The following ZC3H12B variants were observed in gnomAD, a reference collection of about 807,000 sequenced individuals.
The protein encoded by ZC3H12B is zinc finger CCCH-type containing 12B.
A neutral mutation model predicts 43.9 loss-of-function variants in ZC3H12B; 7 were observed. The ratio of observed to expected loss-of-function variants is 0.16; its 90% CI spans 0.09 to 0.30. The LOEUF (loss-of-function observed/expected upper bound fraction) is 0.30. Among genes scored for constraint, ZC3H12B ranks in the 10% least tolerant of loss-of-function variants. The pLI, the probability that ZC3H12B is intolerant of heterozygous loss-of-function variation, is 1.00. For missense variants in ZC3H12B, 475 were observed against 670.2 expected (o/e 0.71, Z 3.22); for synonymous variants, 222 against 241.7 (o/e 0.92, Z 0.76).
At chrX:65,409,928 C>A (rs1443244083) in intron 3 of ZC3H12B, among the ~76,000 whole-genome samples, 1 of 110,089 alleles carries the variant, frequency 9.1e-6, no homozygotes, top group Non-Finnish European at 1.9e-5. Context: ...TATCAAAATG[C>A]CAACAACATT....
the ZC3H12B span, among the ~76,000 whole-genome samples, chrX:65,257,304 G>A: frequency 3.6e-5 from 4 of 111,603 alleles, no homozygotes; most frequent in African/African-American, 1.3e-4. Flanking sequence ...TCCTTTGCAG[G>A]GACATGGATG....
chrX:65,117,960 T>C, the ZC3H12B span, among the ~76,000 whole-genome samples: 2 of 111,697 alleles, frequency 1.8e-5, no homozygotes, highest in African/African-American at 6.5e-5. Flanking sequence ...TTTTGGTTAC[T>C]GTAGCCTTGT....
the ZC3H12B span, among the ~76,000 whole-genome samples, chrX:65,240,293 G>A: frequency 9.1e-6 from 1 of 110,276 alleles, no homozygotes; most frequent in African/African-American, 3.3e-5. Flanking sequence ...TTCCCTTTTT[G>A]TTTTGTCTGT....
At chrX:65,461,012 A>T (rs2067735680) in intron 3 of ZC3H12B, among the ~76,000 whole-genome samples, 1 of 112,276 alleles carries the variant, frequency 8.9e-6, no homozygotes, top group African/African-American at 3.2e-5. Context: ...CAAATTTACA[A>T]GAAAAAAACA....
chrX:65,274,816 G>A, the ZC3H12B span, among the ~76,000 whole-genome samples: 1 of 111,459 alleles, frequency 9.0e-6, no homozygotes, highest in Non-Finnish European at 1.9e-5. Flanking sequence ...ACCTCTTGCA[G>A]GAAGTCCCCC....
chrX:65,355,806 G>A, the ZC3H12B span, among the ~76,000 whole-genome samples: 3 of 110,600 alleles, frequency 2.7e-5, no homozygotes, highest in Non-Finnish European at 5.7e-5. Context: ...AATACAAAAA[G>A]TAGCCAGATG....
the ZC3H12B span, among the ~76,000 whole-genome samples, chrX:65,142,734 C>T: frequency 1.8e-5 from 2 of 112,433 alleles, no homozygotes; most frequent in Admixed American, 9.4e-5. Context: ...CCAATTATCC[C>T]AGCAACATTT....
At chrX:65,106,180 A>G in the ZC3H12B span, among the ~76,000 whole-genome samples, 4 of 111,610 alleles carry the variant, frequency 3.6e-5, no homozygotes, top group Non-Finnish European at 7.5e-5. Context: ...AATGAACTGT[A>G]AGGTAATATA....
chrX:65,222,611 TAATA>T, the ZC3H12B span, among the ~76,000 whole-genome samples: 1 of 75,553 alleles, frequency 1.3e-5, no homozygotes, highest in Non-Finnish European at 2.1e-5. Flanking sequence ...AAAATAATAA[TAATA>T]ATAATAATAA....
chrX:65,085,796 A>T, the ZC3H12B span, among the ~76,000 whole-genome samples: 1 of 111,399 alleles, frequency 9.0e-6, no homozygotes, highest in East Asian at 2.8e-4. Context: ...TTTTGAAAGA[A>T]TCACATATTT....
chrX:65,313,014 T>C, the ZC3H12B span, among the ~76,000 whole-genome samples: 1 of 111,696 alleles, frequency 9.0e-6, no homozygotes, highest in African/African-American at 3.3e-5. Context: ...CTTGAGTAGC[T>C]GGGACTGCAG....
chrX:65,452,828 G>A (rs2067536128), intron 3 of ZC3H12B, among the ~76,000 whole-genome samples: 1 of 95,776 alleles, frequency 1.0e-5, no homozygotes, highest in Non-Finnish European at 1.9e-5. Context: ...GCAACAGAGT[G>A]AGACTCCATC....
At chrX:65,072,256 G>T in the ZC3H12B span, among the ~76,000 whole-genome samples, 1 of 112,174 alleles carries the variant, frequency 8.9e-6, no homozygotes, top group African/African-American at 3.2e-5. Flanking sequence ...TAATACTTGT[G>T]ATTGCATTAT....
the ZC3H12B span, among the ~76,000 whole-genome samples, chrX:65,303,125 T>C: frequency 9.0e-6 from 1 of 111,495 alleles, no homozygotes; most frequent in Admixed American, 9.5e-5. Context: ...AAAGACACAG[T>C]GTATGAAAGA....
chrX:65,382,046 C>T (rs1445388937), intron 2 of ZC3H12B, among the ~76,000 whole-genome samples: 1 of 111,929 alleles, frequency 8.9e-6, no homozygotes, highest in Non-Finnish European at 1.9e-5. Flanking sequence ...GGTACCATTC[C>T]TTCTGAAACT....
the ZC3H12B span, among the ~76,000 whole-genome samples, chrX:65,337,727 G>A: frequency 8.9e-6 from 1 of 112,581 alleles, no homozygotes; most frequent in African/African-American, 3.2e-5. Context: ...TAAAGTTGGA[G>A]AAACAGATAA....
At chrX:65,151,539 T>C in the ZC3H12B span, among the ~76,000 whole-genome samples, 2 of 112,038 alleles carry the variant, frequency 1.8e-5, no homozygotes, top group East Asian at 5.6e-4. Flanking sequence ...TTTTAATTAC[T>C]CAGATTACCA....
At chrX:65,300,947 A>G in the ZC3H12B span, among the ~76,000 whole-genome samples, 23 of 110,540 alleles carry the variant, frequency 2.1e-4, no homozygotes, top group African/African-American at 7.6e-4. Flanking sequence ...ACAAAGGACT[A>G]ATATCCAGAA....
chrX:65,319,471 C>T, the ZC3H12B span, among the ~76,000 whole-genome samples: 1 of 111,521 alleles, frequency 9.0e-6, no homozygotes, highest in Non-Finnish European at 1.9e-5. Context: ...GCCTAGATGG[C>T]TTAACAGCCA....
Sources: gnomAD v4.1 joint callset for allele counts (sites outside exome capture counted in the v4.1 genomes callset) on GRCh38, gnomAD v4.1.1 for gene constraint, MANE v1.5 for transcripts, NCBI Gene and HGNC (gene_info 2026-07-23, HGNC 2026-07-21) for gene names.